PLB1: variants seen among roughly 807,000 people sequenced by gnomAD.
PLB1 encodes phospholipase B1, also known as phospholipase B1, membrane-associated.
A neutral mutation model predicts 227.4 loss-of-function variants in PLB1; 242 were observed. The observed-to-expected ratio is 1.06, with a 90% CI of 0.96 to 1.18. The LOEUF (loss-of-function observed/expected upper bound fraction) is 1.18. Ranked by LOEUF, PLB1 falls within the 50% of genes most tolerant of loss-of-function variation. The probability of loss-of-function intolerance (pLI) is 0.00; values close to 1 mark genes in which losing one functional copy is unlikely to be tolerated. For missense variants in PLB1, 1,858 were observed against 1,816.3 expected, an observed-to-expected ratio of 1.02 and a Z score of -0.42; for synonymous variants, 757 against 682.2, an observed-to-expected ratio of 1.11 and a Z score of -1.71.
chr2:28,608,849 T>A (rs964834841), intron 43 of PLB1, among the ~76,000 whole-genome samples: 2 of 152,116 alleles, frequency 1.3e-5, no homozygotes, highest in African/African-American at 4.8e-5. Flanking sequence ...ACCCTCCTCC[T>A]CCCTTTCCCC....
Position 28,604,057 on chromosome 2 carries a change from A to T in PLB1, c.2856+10A>T, listed in dbSNP as rs1263805304. The T allele has an allele frequency of 6.2e-7, 1 of 1,608,460 alleles. No homozygotes were observed. Among genetic ancestry groups the T allele is most frequent in the Non-Finnish European group, 8.5e-7 (1 of 1,174,772 alleles). ...CAGCCGAGCCTACCGGGTAAGACCA[A>T]GAAGGGCACCATGCTGTGTCCTCTC... is the stretch of plus-strand genomic sequence containing the variant. On this transcript the variant is annotated intron_variant, in intron 40 of 57. Transcript: ENST00000327757.
chr2:28,634,495 A>T (rs1483058984), intron 56 of PLB1, among the ~76,000 whole-genome samples: 1 of 152,146 alleles, frequency 6.6e-6, no homozygotes, highest in African/African-American at 2.4e-5. Context: ...CCTTCCTACC[A>T]GGTGGCACTC....
At chr2:28,528,435 A>G (rs1161395263) in intron 6 of PLB1, among the ~76,000 whole-genome samples, 1 of 152,144 alleles carries the variant, frequency 6.6e-6, no homozygotes, top group Non-Finnish European at 1.5e-5. Flanking sequence ...GCTCTGGGAC[A>G]TGTTCTCTGC....
At chr2:28,638,827 GAAAAAAAAAAA>G (rs35972276) in intron 56 of PLB1, among the ~76,000 whole-genome samples, 5 of 63,620 alleles carry the variant, frequency 7.9e-5, no homozygotes, top group Admixed American at 1.9e-4. Context: ...GCTGGAGATT[GAAAAAAAAAAA>G]AAAAAAAAAA....
rs755296561 is a variant in PLB1 at position 28,578,121 on chromosome 2, A to G, written c.1448A>G (p.Gln483Arg). The G allele has an allele frequency of 6.8e-6, 11 of 1,614,134 alleles. No individual in the cohort carries two copies. Among genetic ancestry groups the G allele is most frequent in the Non-Finnish European group, 9.3e-6 (11 of 1,179,992 alleles). The change falls in exon 22 of 58, where the codon CAG (glutamine) becomes CGG (arginine). Residue 483 changes from glutamine to arginine, a missense_variant. By Grantham distance (43) the Gln-to-Arg change is conservative. Coordinates refer to ENST00000327757, the MANE Select transcript of PLB1 (RefSeq NM_153021.5). ...TGTTTCCACAGGGATCTACCTGTCC[A>G]GGCCAGGAGGCTGGTGGACCTGATG... is the stretch of plus-strand genomic sequence containing the variant. Reference protein sequence around the residue: ...AGGRAEDLPVQARRLVDLMKN... With the variant: ...AGGRAEDLPVRARRLVDLMKN...
chr2:28,501,844 A>G (rs923542139), intron 1 of PLB1, among the ~76,000 whole-genome samples: 7 of 152,152 alleles, frequency 4.6e-5, no homozygotes, highest in African/African-American at 1.4e-4. Context: ...AGTATGTACC[A>G]TATATACCAC....
In PLB1 at chr2:28,632,091, C is replaced by A. The variant is rs2199619; in HGVS notation, c.3953C>A (p.Ala1318Glu). The change falls in exon 55 of 58, where the codon GCG (alanine) becomes GAG (glutamate). Residue 1318 changes from alanine to glutamate, a missense_variant. Physicochemically the swap from Ala to Glu is moderately radical, Grantham distance 107. Coordinates refer to ENST00000327757, the MANE Select transcript of PLB1 (RefSeq NM_153021.5). ...CAATACACACAGCGTGAGGACTTTG[C>A]GGTTGTGGTGCAGCCTTTCTTCCAA... ...WHQYTQREDF[A>E]VVVQPFFQNT... 5.0e-6 allele frequency: 8 copies of A among 1,613,770 alleles called. No individual in the cohort carries two copies. The African/African-American group carries it at 9.4e-5, about 19-fold the overall frequency.
In PLB1 at chr2:28,608,962, TG is replaced by T. The variant is rs1462604700; in HGVS notation, c.3129+2397del. ...CAGGGTCTTGCTCCGTCTCCCAGGCTGGAAGTGCAGTGGCGCAATCACAGCT... is the reference window on the plus strand; with the variant it reads ...CAGGGTCTTGCTCCGTCTCCCAGGCTGAAGTGCAGTGGCGCAATCACAGCT... On this transcript the variant is annotated intron_variant, in intron 43 of 57. Transcript: ENST00000327757. Among the ~76,000 whole-genome samples, 4 of 152,286 alleles carry T rather than the reference TG, an allele frequency of 2.6e-5. No individual in the cohort carries two copies. The South Asian group carries it at 8.3e-4, about 32-fold the overall frequency.
rs78335747 is a variant in PLB1 at position 28,498,720 on chromosome 2, T to C, written c.55+2551T>C. ...CTCTTTTTTGCTCTATTAGTCCTTA[T>C]CTATCTCAGGGCCAATAACCCATTA... On this transcript the variant is annotated intron_variant, in intron 1 of 57. Coordinates refer to ENST00000327757, the MANE Select transcript of PLB1 (RefSeq NM_153021.5). 4.1e-3 allele frequency among the ~76,000 whole-genome samples: 630 copies of C among 152,380 alleles called. 3 individuals are homozygous for C. Among genetic ancestry groups the C allele is most frequent in the East Asian group, 0.017 (86 of 5,190 alleles).
intron 20 of PLB1, among the ~76,000 whole-genome samples, chr2:28,568,030 T>C (rs752006301): frequency 6.6e-6 from 1 of 152,178 alleles, no homozygotes; most frequent in Non-Finnish European, 1.5e-5. Context: ...GAGGGGGACA[T>C]CATAGCTTAA....
chr2:28,590,268 G>A (rs1360491254), intron 29 of PLB1, among the ~76,000 whole-genome samples, 192 bp downstream of exon 29: 1 of 152,104 alleles, frequency 6.6e-6, no homozygotes, highest in African/African-American at 2.4e-5. Flanking sequence ...CAGAGGCCTG[G>A]GAGTGCTTGG....
chr2:28,626,362 G>T (rs1416399100), intron 50 of PLB1, 66 bp from the exon 51 acceptor site: 3 of 1,386,852 alleles, frequency 2.2e-6, no homozygotes, highest in Non-Finnish European at 3.1e-6. Context: ...GGGCGGGCTG[G>T]CCCAGTAGCA....
intron 21 of PLB1, among the ~76,000 whole-genome samples, chr2:28,576,789 G>A (rs541202746): frequency 1.2e-4 from 18 of 152,206 alleles, no homozygotes; most frequent in Non-Finnish European, 1.5e-4. Flanking sequence ...CATCGACAGA[G>A]CAGCTGCTCT....
At chr2:28,630,540 C>G (rs934455624) in intron 53 of PLB1, 46 bp from the exon 54 acceptor site, 10 of 1,548,856 alleles carry the variant, frequency 6.5e-6, no homozygotes, top group Non-Finnish European at 8.0e-6. Context: ...GAGGACAGAG[C>G]CACAGTGCCC....
Position 28,620,921 on chromosome 2 carries a change from C to T in PLB1, c.3470C>T (p.Thr1157Ile). ...KFNPYLLGFS[T>I]STWEGTAGLN... The stretch of plus-strand genomic sequence containing the variant: ...AACCCTTACCTCCTTGGCTTCTCTA[C>T]CAGCACCTGGGAGGGGACAGCAGGA... The change falls in exon 49 of 58, where the codon ACC (threonine) becomes ATC (isoleucine). Residue 1157 changes from threonine to isoleucine, a missense_variant. Transcript: ENST00000327757. 2 of 1,613,964 alleles carry T rather than the reference C, an allele frequency of 1.2e-6. No homozygotes were observed. Among genetic ancestry groups the T allele is most frequent in the Non-Finnish European group, 1.7e-6 (2 of 1,179,952 alleles).
chr2:28,499,875 ACT>A (rs895724209), intron 1 of PLB1, among the ~76,000 whole-genome samples: 5 of 151,808 alleles, frequency 3.3e-5, no homozygotes, highest in Non-Finnish European at 7.4e-5. Flanking sequence ...ACAGAGCCAG[ACT>A]CTGTCTCAAA....
At chr2:28,637,564 G>A (rs897443216) in intron 56 of PLB1, among the ~76,000 whole-genome samples, 1 of 152,136 alleles carries the variant, frequency 6.6e-6, no homozygotes, top group African/African-American at 2.4e-5. Flanking sequence ...ACCTCTGAAG[G>A]AGGCAGGCCA....
At chr2:28,510,800 G>GTGTGTGTT (rs1170697551) in intron 1 of PLB1, among the ~76,000 whole-genome samples, 1 of 151,214 alleles carries the variant, frequency 6.6e-6, no homozygotes, top group Non-Finnish European at 1.5e-5. Context: ...GTGTGTGTGT[G>GTGTGTGTT]TGTGTTTTGT....
At chr2:28,539,545 G>GT (rs1166705199) in intron 11 of PLB1, among the ~76,000 whole-genome samples, 3 of 152,182 alleles carry the variant, frequency 2.0e-5, no homozygotes, top group Non-Finnish European at 1.5e-5. Context: ...CCTAAATGTA[G>GT]TTTAACTTCA....
Sources: allele counts gnomAD v4.1 joint callset (sites outside exome capture counted in the v4.1 genomes callset), GRCh38; gene constraint gnomAD v4.1.1; transcripts MANE v1.5; gene names NCBI Gene and HGNC (gene_info 2026-07-23, HGNC 2026-07-21).